PTBP2: variants seen among roughly 807,000 people sequenced by gnomAD.
PTBP2 encodes the protein polypyrimidine tract binding protein 2, also known as polypyrimidine tract-binding protein 2.
Under a neutral mutation model 61.4 loss-of-function variants are expected in PTBP2, and 13 were observed. That is an observed-to-expected ratio of 0.21 (90% CI 0.14 to 0.34). The LOEUF is 0.34. PTBP2 is among the 10% of genes least tolerant of loss of function. The pLI, the probability that PTBP2 is intolerant of heterozygous loss-of-function variation, is 1.00. For synonymous variants in PTBP2, 215 were observed against 218.5 expected (o/e 0.98, Z 0.14); for missense variants, 405 against 642.6 (o/e 0.63, Z 4.00).
At chr1:96,802,322 C>T (rs1476761514) in intron 8 of PTBP2, among the ~76,000 whole-genome samples, 2 of 150,480 alleles carry the variant, frequency 1.3e-5, no homozygotes, top group Admixed American at 6.6e-5. Context: ...AGAACTTTTT[C>T]ACTGTGGGAT....
intron 12 of PTBP2, 38 bp downstream of exon 12, chr1:96,812,966 A>G (rs1329588420): frequency 6.3e-7 from 1 of 1,594,362 alleles, no homozygotes; most frequent in Non-Finnish European, 8.6e-7. Flanking sequence ...GATACATTCT[A>G]TTTTGATAAA....
intron 3 of PTBP2, among the ~76,000 whole-genome samples, chr1:96,764,198 A>T (rs1025352501): frequency 5.3e-5 from 8 of 152,230 alleles, no homozygotes; most frequent in African/African-American, 1.9e-4. Flanking sequence ...AAATAATTTT[A>T]CAGGTGAAAA....
intron 9 of PTBP2, 85 bp downstream of exon 9, chr1:96,805,024 C>T (rs1661367279): frequency 1.7e-6 from 2 of 1,174,930 alleles, no homozygotes; most frequent in Non-Finnish European, 2.3e-6. Flanking sequence ...TTGCACTTGC[C>T]TTTCTTTTTA....
At chr1:96,811,736 A>T (rs1233760658) in intron 11 of PTBP2, among the ~76,000 whole-genome samples, 1 of 152,186 alleles carries the variant, frequency 6.6e-6, no homozygotes, top group Non-Finnish European at 1.5e-5. Context: ...ATACTTTATT[A>T]TCTAGTTGAT....
intron 3 of PTBP2, among the ~76,000 whole-genome samples, chr1:96,764,743 C>T (rs1425717792): frequency 1.3e-5 from 2 of 152,180 alleles, no homozygotes; most frequent in East Asian, 1.9e-4. Context: ...GTTTTAACAA[C>T]TCATCTTCTT....
intron 5 of PTBP2, among the ~76,000 whole-genome samples, chr1:96,772,805 A>G (rs534732080): frequency 7.2e-5 from 11 of 152,138 alleles, no homozygotes; most frequent in Non-Finnish European, 1.5e-4. Context: ...ATTAAACGAA[A>G]GGAACATGTA....
chr1:96,804,792 T>C lies in PTBP2; in HGVS notation c.905-8T>C, dbSNP rs1193950126. 6.3e-6 allele frequency: 10 copies of C among 1,588,258 alleles called. No individual in the cohort carries two copies. Among genetic ancestry groups the C allele is most frequent in the South Asian group, 1.1e-5 (1 of 88,284 alleles). ...GCTTTATTTTAAAATTAGGGCTTCC[T>C]GTTGCAGCTGTTCCAGGAGCTCTGA... On this transcript the variant is annotated splice_polypyrimidine_tract_variant and splice_region_variant and intron_variant, in intron 8 of 13. Transcript: ENST00000674951.
At chr1:96,764,628 C>T (rs1327086051) in intron 3 of PTBP2, among the ~76,000 whole-genome samples, 1 of 152,150 alleles carries the variant, frequency 6.6e-6, no homozygotes, top group Non-Finnish European at 1.5e-5. Flanking sequence ...TTAAGATTTT[C>T]ATTTTAACTT....
At chr1:96,819,784 A>G (rs977531657), downstream of PTBP2, 3 of 151,436 alleles carry the variant, frequency 2.0e-5, no homozygotes, top group African/African-American at 4.8e-5. Context: ...TGAAATCACT[A>G]GTAGTGATTT....
chr1:96,793,471 G>A (rs982282668), intron 8 of PTBP2, among the ~76,000 whole-genome samples: 2 of 152,022 alleles, frequency 1.3e-5, no homozygotes, highest in South Asian at 2.1e-4. Flanking sequence ...CTGGGTTCAC[G>A]CCATTCTGCC....
chr1:96,781,802 G>A (rs1335479034), intron 7 of PTBP2, among the ~76,000 whole-genome samples: 1 of 151,956 alleles, frequency 6.6e-6, no homozygotes, highest in Admixed American at 6.6e-5. Flanking sequence ...GTGAAAATCA[G>A]AAGTCATAGT....
intron 3 of PTBP2, among the ~76,000 whole-genome samples, chr1:96,759,502 AC>A (rs1655548966): frequency 6.6e-6 from 1 of 152,224 alleles, no homozygotes; most frequent in Non-Finnish European, 1.5e-5. Flanking sequence ...GAATATACAT[AC>A]AAAAAAGCAA....
At chr1:96,754,967 A>G (rs1392857280) in intron 3 of PTBP2, among the ~76,000 whole-genome samples, 1 of 152,222 alleles carries the variant, frequency 6.6e-6, no homozygotes, top group Non-Finnish European at 1.5e-5. Context: ...ATATGACCCT[A>G]AAAGCACAAT....
intron 2 of PTBP2, among the ~76,000 whole-genome samples, chr1:96,748,865 A>G (rs895975687): frequency 2.0e-5 from 3 of 152,226 alleles, no homozygotes; most frequent in African/African-American, 7.2e-5. Flanking sequence ...ATTTATCAGT[A>G]GTGCTGAATC....
chr1:96,742,491 AT>A (rs1311214957), intron 2 of PTBP2, among the ~76,000 whole-genome samples: 1 of 151,832 alleles, frequency 6.6e-6, no homozygotes, highest in Non-Finnish European at 1.5e-5. Context: ...CTATTTCTTG[AT>A]TTGTCTTGTC....
chr1:96,749,013 G>T (rs1013282999), intron 2 of PTBP2, among the ~76,000 whole-genome samples: 1 of 151,948 alleles, frequency 6.6e-6, no homozygotes, highest in Non-Finnish European at 1.5e-5. Context: ...ATAATTTGAC[G>T]TTATTCTCAG....
intron 7 of PTBP2, among the ~76,000 whole-genome samples, chr1:96,781,063 C>T (rs956509786): frequency 2.6e-5 from 4 of 152,010 alleles, no homozygotes; most frequent in African/African-American, 9.7e-5. Flanking sequence ...GTGTGTCAAA[C>T]TGAAATCAGC....
chr1:96,805,112 T>G (rs905785570), intron 9 of PTBP2, among the ~76,000 whole-genome samples, 173 bp downstream of exon 9: 1 of 152,214 alleles, frequency 6.6e-6, no homozygotes, highest in Non-Finnish European at 1.5e-5. Flanking sequence ...GGTAATACTT[T>G]ATTTCCTTAA....
At chr1:96,762,377 C>T (rs1214668572) in intron 3 of PTBP2, among the ~76,000 whole-genome samples, 96 of 150,182 alleles carry the variant, frequency 6.4e-4, no homozygotes, top group African/African-American at 2.1e-3. Context: ...CCGGATGGGG[C>T]GGCTGGCCGG....
Sources: gnomAD v4.1 joint callset for allele counts (sites outside exome capture counted in the v4.1 genomes callset) on GRCh38, gnomAD v4.1.1 for gene constraint, MANE v1.5 for transcripts, NCBI Gene and HGNC (gene_info 2026-07-23, HGNC 2026-07-21) for gene names.